KDM1A: variants seen among roughly 807,000 people sequenced by gnomAD.
KDM1A encodes lysine demethylase 1A, also known as lysine-specific histone demethylase 1A.
KDM1A carries 49 observed loss-of-function variants against 109.4 expected under a neutral mutation model. The ratio of observed to expected loss-of-function variants is 0.45; its 90% CI spans 0.36 to 0.57. The LOEUF (loss-of-function observed/expected upper bound fraction) is 0.57, where lower values mean the gene tolerates loss of function less well. Among genes scored for constraint, KDM1A ranks in the 20% least tolerant of loss-of-function variants. The pLI is 0.00. For missense variants in KDM1A, 668 were observed against 1,116.6 expected, an observed-to-expected ratio of 0.60 and a Z score of 5.73; for synonymous variants, 380 against 415.4, an observed-to-expected ratio of 0.91 and a Z score of 1.04.
At chr1:23,077,992 G>A (rs906644410) in intron 16 of KDM1A, among the ~76,000 whole-genome samples, 1 of 152,192 alleles carries the variant, frequency 6.6e-6, no homozygotes, top group Non-Finnish European at 1.5e-5. Context: ...TACATTTGAT[G>A]TAAAGTGCAG....
intron 15 of KDM1A, among the ~76,000 whole-genome samples, chr1:23,075,040 T>C (rs1019729283): frequency 6.6e-6 from 1 of 152,242 alleles, no homozygotes; most frequent in South Asian, 2.1e-4. Flanking sequence ...GGGATTTTGA[T>C]TAGGAGTGCA....
chr1:23,064,743 C>T (rs1301997772), intron 9 of KDM1A, among the ~76,000 whole-genome samples: 2 of 152,204 alleles, frequency 1.3e-5, no homozygotes, highest in East Asian at 1.9e-4. Flanking sequence ...ACAGGCTTCC[C>T]TTCCCCTGGA....
chr1:23,026,394 G>A (rs1187787058), intron 1 of KDM1A, among the ~76,000 whole-genome samples: 1 of 61,530 alleles, frequency 1.6e-5, no homozygotes, highest in Non-Finnish European at 4.6e-5. Context: ...TTGTCTGTTT[G>A]TTTTTTTTTT....
intron 2 of KDM1A, among the ~76,000 whole-genome samples, chr1:23,042,483 C>G (rs1488347126): frequency 2.4e-5 from 2 of 82,862 alleles, no homozygotes; most frequent in Non-Finnish European, 4.4e-5. Context: ...GACGGAGTCT[C>G]GCTCTGTCGC....
At chr1:23,059,197 AT>A in intron 9 of KDM1A, 30 bp downstream of exon 9, 2 of 1,559,826 alleles carry the variant, frequency 1.3e-6, no homozygotes, top group Non-Finnish European at 1.8e-6. Flanking sequence ...AACTTTCAAC[AT>A]TTCTTTGGTT....
chr1:23,036,442 ACGCCCCCCCCCTCCCC>A (rs1340538530), intron 2 of KDM1A, among the ~76,000 whole-genome samples: 2 of 72,354 alleles, frequency 2.8e-5, no homozygotes, highest in Non-Finnish European at 5.8e-5. Context: ...TTTTCTTGCC[ACGCCCCCCCCCTCCCC>A]CGCCCCCTCA....
chr1:23,026,261 T>A (rs1356483388), intron 1 of KDM1A, among the ~76,000 whole-genome samples: 3 of 152,190 alleles, frequency 2.0e-5, no homozygotes, highest in Non-Finnish European at 4.4e-5. Context: ...AGTTTTTTTT[T>A]AATTTTTATT....
chr1:23,073,536 A>G (rs891098794), intron 15 of KDM1A, 133 bp downstream of exon 15: 3 of 617,712 alleles, frequency 4.9e-6, no homozygotes, highest in Middle Eastern at 3.5e-4. Context: ...AAATTCACCT[A>G]TTTTAAGTGA....
chr1:23,066,692 A>G (rs972750335), intron 10 of KDM1A, among the ~76,000 whole-genome samples: 1 of 152,190 alleles, frequency 6.6e-6, no homozygotes, highest in African/African-American at 2.4e-5. Context: ...ATACTCCAGG[A>G]AAAGCAGTCA....
rs140730970 is a variant in KDM1A, at chr1:23,050,409, G to A, written c.600G>A (p.Gln200=). 11 of 1,611,784 alleles carry A rather than the reference G, an allele frequency of 6.8e-6. No homozygotes were observed. The highest frequency in any genetic ancestry group is 1.3e-5 in the African/African-American group (1 of 74,732). The stretch of plus-strand genomic sequence containing the variant: ...TAGGTGTGGAGGGCGCAGCTTTCCA[G>A]AGCCGACTTCCTCATGACCGGATGA... ...QASGVEGAAF[Q]SRLPHDRMTS... Residue 200 remains glutamine, a synonymous_variant, in exon 4 of 21, where the codon CAG becomes CAA. Coordinates refer to ENST00000400181, the MANE Select transcript of KDM1A (RefSeq NM_001009999.3).
chr1:23,080,725 C>G (rs487001), intron 18 of KDM1A: 1 of 152,340 alleles, frequency 6.6e-6, no homozygotes, highest in South Asian at 2.1e-4. Context: ...CCCTCGACCC[C>G]CTTCCTTCCC....
At chr1:23,080,294 A>T (rs1416941284) in intron 18 of KDM1A, among the ~76,000 whole-genome samples, 1 of 152,126 alleles carries the variant, frequency 6.6e-6, no homozygotes, top group Non-Finnish European at 1.5e-5. Context: ...CAGAGGGGGA[A>T]CTTGGCTCCC....
intron 3 of KDM1A, among the ~76,000 whole-genome samples, chr1:23,046,473 AAAATT>A (rs1358779050): frequency 6.6e-6 from 1 of 152,152 alleles, no homozygotes; most frequent in Non-Finnish European, 1.5e-5. Context: ...CTTGATATAA[AAAATT>A]AAAGGCAAGT....
At chr1:23,037,572 C>T (rs1642186691) in intron 2 of KDM1A, among the ~76,000 whole-genome samples, 1 of 152,028 alleles carries the variant, frequency 6.6e-6, no homozygotes, top group Non-Finnish European at 1.5e-5. Context: ...TACCCACTTT[C>T]TTGGTATTTT....
intron 10 of KDM1A, among the ~76,000 whole-genome samples, chr1:23,066,540 C>G (rs1453453996): frequency 6.6e-6 from 1 of 152,048 alleles, no homozygotes; most frequent in Non-Finnish European, 1.5e-5. Flanking sequence ...ACTGGAAGAG[C>G]TTTAATCTGT....
chr1:23,055,817 A>G, intron 6 of KDM1A, 115 bp from the exon 7 acceptor site: 1 of 493,208 alleles, frequency 2.0e-6, no homozygotes, highest in Non-Finnish European at 3.5e-6. Flanking sequence ...AACTCTCTGT[A>G]TTTTTTACTT....
intron 20 of KDM1A, chr1:23,082,700 A>G (rs1044948950): frequency 2.3e-5 from 5 of 216,142 alleles, no homozygotes; most frequent in African/African-American, 1.1e-4. Context: ...CTCAATTACT[A>G]GGGGCTTCCA....
At chr1:23,054,928 T>C in intron 5 of KDM1A, 141 bp from the exon 6 acceptor site, 1 of 588,452 alleles carries the variant, frequency 1.7e-6, no homozygotes, top group Non-Finnish European at 3.0e-6. Context: ...TGCCCAGCCT[T>C]AGAATTACTT....
intron 2 of KDM1A, among the ~76,000 whole-genome samples, chr1:23,033,846 A>C (rs1642063577): frequency 6.6e-6 from 1 of 152,168 alleles, no homozygotes; most frequent in Non-Finnish European, 1.5e-5. Context: ...TTTTTTGAGC[A>C]AGGGGGGTTA....
Sources: gnomAD v4.1 joint callset for allele counts (sites outside exome capture counted in the v4.1 genomes callset) on GRCh38, gnomAD v4.1.1 for gene constraint, MANE v1.5 for transcripts, NCBI Gene and HGNC (gene_info 2026-07-23, HGNC 2026-07-21) for gene names.